Variants in EPHA6 observed in about 807,000 individuals in gnomAD.
EPHA6 encodes EPH receptor A6.
EPHA6 carries 50 observed loss-of-function variants against 112.0 expected under a neutral mutation model. The observed-to-expected ratio is 0.45, with a 90% confidence interval of 0.36 to 0.56. The LOEUF (loss-of-function observed/expected upper bound fraction) is 0.56. Among genes scored for constraint, EPHA6 ranks in the 20% least tolerant of loss-of-function variants. The pLI, the probability that EPHA6 is intolerant of heterozygous loss-of-function variation, is 0.00. For synonymous variants in EPHA6, 529 were observed against 490.7 expected (o/e 1.08, Z -1.03); for missense variants, 1,280 against 1,417.4 (o/e 0.90, Z 1.56).
At chr3:97,484,189 TC>T in intron 10 of EPHA6, 130 bp downstream of exon 10, 1 of 718,042 alleles carries the variant, frequency 1.4e-6, no homozygotes, top group Non-Finnish European at 2.1e-6. Flanking sequence ...AGTAAAGTGA[TC>T]TTGTATATGT....
intron 3 of EPHA6, among the ~76,000 whole-genome samples, chr3:97,042,173 G>C (rs536697767): frequency 6.6e-6 from 1 of 152,208 alleles, no homozygotes; most frequent in East Asian, 1.9e-4. Flanking sequence ...GGAGGTGATT[G>C]GGTCCTGGGG....
intron 4 of EPHA6, among the ~76,000 whole-genome samples, chr3:97,230,564 T>C (rs2078493985): frequency 3.3e-5 from 5 of 152,172 alleles, no homozygotes. Flanking sequence ...GAGCATGCCA[T>C]TGTTGCTATA....
chr3:97,101,169 T>G (rs2108260480), intron 3 of EPHA6, among the ~76,000 whole-genome samples: 1 of 152,172 alleles, frequency 6.6e-6, no homozygotes, highest in South Asian at 2.1e-4. Context: ...TATAAATTAT[T>G]TAATACAGGA....
chr3:97,468,523 G>A (rs937789949), intron 7 of EPHA6, among the ~76,000 whole-genome samples: 31 of 150,944 alleles, frequency 2.1e-4, no homozygotes, highest in African/African-American at 7.3e-4. Context: ...TTGAATGAAT[G>A]TAAAAGAAAG....
intron 1 of EPHA6, among the ~76,000 whole-genome samples, chr3:96,865,175 T>C (rs1559783666): frequency 6.6e-6 from 1 of 152,120 alleles, no homozygotes; most frequent in Admixed American, 6.6e-5. Context: ...AATGTATGTT[T>C]AGTGAATAGA....
intron 1 of EPHA6, among the ~76,000 whole-genome samples, chr3:96,853,996 G>C (rs2035544250): frequency 6.6e-6 from 1 of 151,792 alleles, no homozygotes; most frequent in African/African-American, 2.4e-5. Flanking sequence ...TTCAGAGCCA[G>C]AATACTTAAA....
intron 12 of EPHA6, 72 bp from the exon 13 acceptor site, chr3:97,610,720 TG>T: frequency 1.7e-6 from 2 of 1,161,170 alleles, no homozygotes; most frequent in Non-Finnish European, 2.5e-6. Flanking sequence ...TTGCCACAGC[TG>T]GGTATCTCTT....
intron 1 of EPHA6, among the ~76,000 whole-genome samples, chr3:96,855,807 G>C (rs1457196182): frequency 1.3e-5 from 2 of 151,966 alleles, no homozygotes; most frequent in East Asian, 3.9e-4. Context: ...AAAATATTAA[G>C]ATAATTTACA....
chr3:97,203,725 T>G (rs1464320136), intron 3 of EPHA6, among the ~76,000 whole-genome samples: 4 of 152,164 alleles, frequency 2.6e-5, no homozygotes, highest in African/African-American at 7.2e-5. Context: ...GGTATAATTC[T>G]GAGAAATGAG....
intron 1 of EPHA6, among the ~76,000 whole-genome samples, chr3:96,819,702 C>T (rs927980526): frequency 2.0e-5 from 3 of 152,056 alleles, no homozygotes; most frequent in African/African-American, 4.8e-5. Context: ...GATCAAATTG[C>T]GTATCTCTAC....
At chr3:96,928,026 A>G (rs1203468471) in intron 2 of EPHA6, among the ~76,000 whole-genome samples, 1 of 152,170 alleles carries the variant, frequency 6.6e-6, no homozygotes, top group South Asian at 2.1e-4. Context: ...TTGCAAAACT[A>G]TCAGATCCCA....
At chr3:97,595,690 AGG>A (rs2093582893) in intron 12 of EPHA6, among the ~76,000 whole-genome samples, 1 of 151,500 alleles carries the variant, frequency 6.6e-6, no homozygotes, top group African/African-American at 2.4e-5. Context: ...AGGAGAGGAG[AGG>A]AGAGGAGAGG....
rs187021670 is a variant in EPHA6, at chr3:97,703,684, G to A, written c.2785-16577G>A. Among the ~76,000 whole-genome samples, 86 of 152,194 alleles carry A rather than the reference G, an allele frequency of 5.7e-4. No individual in the cohort carries two copies. The East Asian group carries it at 0.015, about 27-fold the overall frequency. On this transcript the variant is annotated intron_variant, in intron 14 of 17. Coordinates refer to ENST00000389672, the MANE Select transcript of EPHA6 (RefSeq NM_001080448.3). ...AATCACATATATTATCTTGTTTTGT[G>A]CCTCAATAATGGATGAAGTTCATGG...
intron 11 of EPHA6, among the ~76,000 whole-genome samples, chr3:97,575,491 A>T (rs531351574): frequency 6.6e-6 from 1 of 152,310 alleles, no homozygotes; most frequent in Admixed American, 6.5e-5. Context: ...CTCATTTCAT[A>T]TCTACGTATA....
At chr3:97,540,016 T>C (rs62262778) in intron 11 of EPHA6, among the ~76,000 whole-genome samples, 2 of 152,038 alleles carry the variant, frequency 1.3e-5, no homozygotes, top group Non-Finnish European at 2.9e-5. Context: ...AGTTATAGGA[T>C]GAAGATGAGA....
At chr3:97,515,407 G>A (rs907185450) in intron 10 of EPHA6, among the ~76,000 whole-genome samples, 1 of 152,200 alleles carries the variant, frequency 6.6e-6, no homozygotes, top group Non-Finnish European at 1.5e-5. Flanking sequence ...AGGAAACTGA[G>A]ATTCGAAGAC....
intron 11 of EPHA6, among the ~76,000 whole-genome samples, chr3:97,579,573 C>T (rs2093418577): frequency 6.6e-6 from 1 of 152,090 alleles, no homozygotes; most frequent in Non-Finnish European, 1.5e-5. Context: ...TTGACCCTAC[C>T]TTATTGATGT....
intron 11 of EPHA6, among the ~76,000 whole-genome samples, chr3:97,541,416 A>G (rs1001922978): frequency 6.6e-6 from 1 of 152,214 alleles, no homozygotes; most frequent in South Asian, 2.1e-4. Context: ...TGGTAGTATT[A>G]ATTAGGTTGG....
At chr3:97,230,799 C>T (rs138340652) in intron 4 of EPHA6, among the ~76,000 whole-genome samples, 26 of 152,124 alleles carry the variant, frequency 1.7e-4, no homozygotes, top group African/African-American at 5.5e-4. Flanking sequence ...TTTTGGGTGG[C>T]GGAGCAGTAA....
Sources: gnomAD v4.1 joint callset for allele counts (sites outside exome capture counted in the v4.1 genomes callset) on GRCh38, gnomAD v4.1.1 for gene constraint, MANE v1.5 for transcripts, NCBI Gene and HGNC (gene_info 2026-07-23, HGNC 2026-07-21) for gene names.